The following NIPBL variants were observed in gnomAD, a reference collection of about 807,000 sequenced individuals.
NIPBL encodes the protein NIPBL cohesin loading factor.
NIPBL carries 19 observed loss-of-function variants against 321.8 expected under a neutral mutation model. That is an observed-to-expected ratio of 0.06 (90% confidence interval 0.04 to 0.09). NIPBL has a LOEUF of 0.09. Ranked by LOEUF, NIPBL falls within the 10% of genes least tolerant of loss-of-function variation. The pLI, the probability that NIPBL is intolerant of heterozygous loss-of-function variation, is 1.00. For missense variants in NIPBL, 2,210 were observed against 3,327.0 expected (o/e 0.66, Z 8.26); for synonymous variants, 1,106 against 1,114.1 (o/e 0.99, Z 0.14).
At chr5:37,032,154 G>A (rs1270295577) in intron 32 of NIPBL, among the ~76,000 whole-genome samples, 1 of 152,172 alleles carries the variant, frequency 6.6e-6, no homozygotes, top group Admixed American at 6.5e-5. Context: ...TCAGATATAA[G>A]TTGACGATTG....
intron 18 of NIPBL, 80 bp from the exon 19 acceptor site, chr5:37,007,928 A>C: frequency 2.3e-6 from 2 of 860,364 alleles, no homozygotes; most frequent in Non-Finnish European, 2.0e-6. Flanking sequence ...TAAGCTTATG[A>C]ATGTATTGGA....
chr5:36,919,808 G>A (rs1278872193), intron 1 of NIPBL, among the ~76,000 whole-genome samples: 1 of 151,906 alleles, frequency 6.6e-6, no homozygotes, highest in Non-Finnish European at 1.5e-5. Context: ...AGTGTTCACA[G>A]GATTAGAATT....
intron 1 of NIPBL, among the ~76,000 whole-genome samples, chr5:36,939,763 C>G (rs1488079522): frequency 1.3e-5 from 2 of 152,134 alleles, no homozygotes; most frequent in Non-Finnish European, 2.9e-5. Context: ...CAAGAGAGCA[C>G]AAGACATTAG....
intron 4 of NIPBL, among the ~76,000 whole-genome samples, chr5:36,960,079 A>T (rs1741436892): frequency 6.6e-6 from 1 of 152,174 alleles, no homozygotes; most frequent in African/African-American, 2.4e-5. Flanking sequence ...GAAAAATAAA[A>T]AATAAAAATA....
In NIPBL at chr5:36,962,103, A is replaced by G. The variant is rs2149607764; in HGVS notation, c.459-20A>G. ...TTATTTTATTTCCTTATATTTTTTT[A>G]TTTGGGTTTTGGGTTTTAGCCGGTT... On this transcript the variant is annotated intron_variant, in intron 5 of 46. Coordinates refer to ENST00000282516, the MANE Select transcript of NIPBL (RefSeq NM_133433.4). 1.2e-6 allele frequency: 2 copies of G among 1,613,650 alleles called. No homozygotes were observed. The highest frequency in any genetic ancestry group is 3.3e-5 in the Admixed American group (2 of 59,982).
At chr5:37,059,945 G>C (rs1381970959) in intron 44 of NIPBL, among the ~76,000 whole-genome samples, 2 of 152,132 alleles carry the variant, frequency 1.3e-5, no homozygotes, top group African/African-American at 4.8e-5. Context: ...CTGTAACCAT[G>C]GAATTTTGGT....
At chr5:37,030,033 T>C (rs1034377331) in intron 32 of NIPBL, among the ~76,000 whole-genome samples, 1 of 152,230 alleles carries the variant, frequency 6.6e-6, no homozygotes, top group African/African-American at 2.4e-5. Flanking sequence ...TTATTATAAA[T>C]GATCAAGTAA....
chr5:36,922,766 G>C (rs1160071856), intron 1 of NIPBL, among the ~76,000 whole-genome samples: 1 of 152,124 alleles, frequency 6.6e-6, no homozygotes, highest in African/African-American at 2.4e-5. Context: ...ATGATTTTAT[G>C]TACCATCGCA....
chr5:36,971,902 C>G (rs767895794), intron 7 of NIPBL, 43 bp from the exon 8 acceptor site: 8 of 1,571,010 alleles, frequency 5.1e-6, no homozygotes, highest in South Asian at 1.1e-5. Context: ...TCTATAAAGC[C>G]TCTCCTGTCA....
At chr5:37,027,476 T>G in intron 32 of NIPBL, 64 bp downstream of exon 32, 22 of 1,062,352 alleles carry the variant, frequency 2.1e-5, no homozygotes, top group Non-Finnish European at 3.1e-5. Flanking sequence ...TTGTTGGTGT[T>G]TTTTTTTTTT....
At chr5:37,001,114 A>C in intron 14 of NIPBL, 36 bp downstream of exon 14, 1 of 1,359,406 alleles carries the variant, frequency 7.4e-7, no homozygotes, top group Non-Finnish European at 1.1e-6. Flanking sequence ...CACATACTCT[A>C]AGTGTCTTAA....
chr5:37,015,185 A>T (rs1424648138), intron 22 of NIPBL, among the ~76,000 whole-genome samples: 1 of 151,458 alleles, frequency 6.6e-6, no homozygotes, highest in Non-Finnish European at 1.5e-5. Flanking sequence ...GTGCAATGGC[A>T]CGATCTCAGC....
At chr5:36,951,624 C>A (rs962693966) in intron 1 of NIPBL, among the ~76,000 whole-genome samples, 1 of 152,128 alleles carries the variant, frequency 6.6e-6, no homozygotes, top group Non-Finnish European at 1.5e-5. Flanking sequence ...GATGTGACTA[C>A]TAACTATGCA....
intron 14 of NIPBL, among the ~76,000 whole-genome samples, chr5:37,001,685 G>A (rs1042878662): frequency 6.6e-6 from 1 of 152,088 alleles, no homozygotes; most frequent in Non-Finnish European, 1.5e-5. Flanking sequence ...TGGCTTTAGG[G>A]AATACAGATT....
At position 37,051,759 on chromosome 5, in the gene NIPBL, A is replaced by ATTTTTTTTTTT; in HGVS notation, c.6955-19_6955-9dup. 1 of 1,252,316 alleles carries ATTTTTTTTTTT rather than the reference A, an allele frequency of 8.0e-7. No homozygotes were observed. The highest frequency in any genetic ancestry group is 1.1e-6 in the Non-Finnish European group (1 of 898,088). 77.6% of individuals were successfully genotyped at this position (1,252,316 alleles called of 1,614,324 possible). ...ATTTTTACTACCATGATATCTCGTA[A>ATTTTTTTTTTT]TTTTTTTTTTTATTTCCAGTGTGTG... is the stretch of plus-strand genomic sequence containing the variant. On this transcript the variant is annotated intron_variant, in intron 40 of 46. Transcript: ENST00000282516.
At chr5:37,045,417 A>G in intron 36 of NIPBL, 26 bp from the exon 37 acceptor site, 1 of 1,493,502 alleles carries the variant, frequency 6.7e-7, no homozygotes, top group Non-Finnish European at 9.3e-7. Context: ...TAAATATTAT[A>G]AGTAAATATT....
Position 36,961,474 on chromosome 5 carries a change from T to C in NIPBL, c.359-10T>C. 1 of 1,529,740 alleles carries C rather than the reference T, an allele frequency of 6.5e-7. No individual in the cohort carries two copies. The highest frequency in any genetic ancestry group is 9.1e-7 in the Non-Finnish European group (1 of 1,103,232). 94.8% of individuals were successfully genotyped at this position (1,529,740 alleles called of 1,614,324 possible). ...GAAAATAACGTTCTGTATTTTTGTG[T>C]TTTGCATAGGAATGATGATGTCTCA... On this transcript the variant is annotated splice_polypyrimidine_tract_variant and intron_variant, in intron 4 of 46. Coordinates refer to ENST00000282516, the MANE Select transcript of NIPBL (RefSeq NM_133433.4).
chr5:37,040,956 G>A (rs1230471879), intron 34 of NIPBL, among the ~76,000 whole-genome samples: 1 of 151,830 alleles, frequency 6.6e-6, no homozygotes, highest in Non-Finnish European at 1.5e-5. Context: ...GACCAGTGGG[G>A]CTTGCTTTTC....
intron 32 of NIPBL, among the ~76,000 whole-genome samples, chr5:37,030,295 A>G (rs1465427841): frequency 2.0e-5 from 3 of 152,110 alleles, no homozygotes; most frequent in African/African-American, 7.2e-5. Flanking sequence ...TTCTGCCAGC[A>G]ACTTAGTTTA....
Sources: allele counts gnomAD v4.1 joint callset (sites outside exome capture counted in the v4.1 genomes callset), GRCh38; gene constraint gnomAD v4.1.1; transcripts MANE v1.5; gene names NCBI Gene and HGNC (gene_info 2026-07-23, HGNC 2026-07-21).